ERI2: variants seen among roughly 807,000 people sequenced by gnomAD.
ERI2 encodes the protein ERI1 exoribonuclease family member 2.
ERI2 carries 35 observed loss-of-function variants against 46.8 expected under a neutral mutation model. The observed-to-expected ratio is 0.75, with a 90% confidence interval of 0.57 to 0.99. The LOEUF is 0.99. Ranked by LOEUF, ERI2 falls within the 50% of genes least tolerant of loss-of-function variation. The probability of loss-of-function intolerance (pLI) is 0.00; values close to 1 mark genes in which losing one functional copy is unlikely to be tolerated. For missense variants in ERI2, 695 were observed against 796.2 expected (o/e 0.87, Z 1.53); for synonymous variants, 224 against 271.0 (o/e 0.83, Z 1.70).
At chr16:20,786,198 A>G in intron 10 of ERI2, 1 of 1,604,842 alleles carries the variant, frequency 6.2e-7, no homozygotes, top group African/African-American at 1.3e-5. Context: ...TAACAACCCA[A>G]TCTGTACACT....
chr16:20,789,889 G>T (rs2080558807), intron 9 of ERI2, among the ~76,000 whole-genome samples: 1 of 151,600 alleles, frequency 6.6e-6, no homozygotes, highest in South Asian at 2.1e-4. Context: ...GCTCAGGCTG[G>T]TCTTGAACTC....
downstream of ERI2, among the ~76,000 whole-genome samples, chr16:20,794,163 G>C (rs1365400674): frequency 6.6e-6 from 1 of 152,210 alleles, no homozygotes; most frequent in African/African-American, 2.4e-5. Context: ...TTCTACCTGG[G>C]TTAGGTCCTT....
intron 7 of ERI2, chr16:20,799,629 C>G: frequency 2.1e-6 from 1 of 476,750 alleles, no homozygotes; most frequent in Non-Finnish European, 3.7e-6. Context: ...TCTGCAGGAA[C>G]CAGGATTTGT....
intron 1 of ERI2, among the ~76,000 whole-genome samples, chr16:20,804,346 T>G (rs1302331206): frequency 6.6e-6 from 1 of 152,134 alleles, no homozygotes; most frequent in Non-Finnish European, 1.5e-5. Context: ...GGTTCAGTCT[T>G]CCAGTTTAAA....
downstream of ERI2, chr16:20,792,824 CT>C (rs2080631793): frequency 1.8e-6 from 1 of 547,396 alleles, no homozygotes; most frequent in African/African-American, 2.1e-5. Context: ...AGGAAATAAA[CT>C]CTGAATAACA....
At chr16:20,792,528 GACAA>G (rs2080626390), downstream of ERI2, 1 of 985,046 alleles carries the variant, frequency 1.0e-6, no homozygotes. Flanking sequence ...GATCCTAACA[GACAA>G]ACAAAATAAG....
chr16:20,788,007 G>A (rs987982320), intron 10 of ERI2, among the ~76,000 whole-genome samples: 7 of 152,134 alleles, frequency 4.6e-5, no homozygotes, highest in African/African-American at 1.7e-4. Flanking sequence ...GAGACAATAT[G>A]TTTAAAGAGC....
chr16:20,790,912 C>T lies in ERI2; in HGVS notation c.753G>A (p.Ser251=), dbSNP rs547325608. ...AGGCCAGATCACTGTTCCAGGTCCACGAAGGCAAGAGGAAGGGACCCTAGA... is the reference window on the plus strand; with the variant it reads ...AGGCCAGATCACTGTTCCAGGTCCATGAAGGCAAGAGGAAGGGACCCTAGA... Residue 251 remains serine, a synonymous_variant, in exon 9 of 11, where the codon TCG becomes TCA. Transcript: ENST00000300005. The surrounding 1 kb of genome is among the most constrained non-coding windows in gnomAD (Gnocchi z 4.0). The T allele has an allele frequency of 6.2e-6, 10 of 1,613,916 alleles. No individual in the cohort carries two copies. Among genetic ancestry groups the T allele is most frequent in the East Asian group, 2.2e-5 (1 of 44,876 alleles).
intron 10 of ERI2, chr16:20,781,739 G>A (rs1436023318): frequency 5.6e-6 from 9 of 1,613,544 alleles, no homozygotes; most frequent in Non-Finnish European, 7.6e-6. Context: ...ACAGTCTTCT[G>A]TTCAGCACCA....
intron 10 of ERI2, chr16:20,786,386 C>T (rs752991220): frequency 1.8e-4 from 157 of 885,494 alleles, no homozygotes; most frequent in Non-Finnish European, 2.1e-4. Flanking sequence ...ATTTAATAAA[C>T]GTTAACCCAT....
chr16:20,801,021 T>C (rs1354351215), intron 5 of ERI2, 182 bp downstream of exon 5: 1 of 454,524 alleles, frequency 2.2e-6, no homozygotes, highest in Non-Finnish European at 3.7e-6. Context: ...AAAAGGTTAA[T>C]TTAAAAAATA....
At chr16:20,800,595 C>T (rs2080785436) in intron 5 of ERI2, 193 bp from the exon 6 acceptor site, 4 of 385,800 alleles carry the variant, frequency 1.0e-5, no homozygotes, top group Middle Eastern at 9.4e-4. Flanking sequence ...GACTAAATTT[C>T]AAAATGATTT....
rs1397775249 is a variant in ERI2, at chr16:20,798,298, A to T, written c.1502T>A (p.Leu501Ter). ...DPGSDISAFKLPEHKSSTFNR... is the reference protein window; with the variant it reads ...DPGSDISAFK ...GAAGGTACTTGATTTGTGTTCAGGT[A>T]ACTTAAAGGCAGAAATATCTGAACC... The change falls in exon 9 of 9, where the codon TTA becomes TAA. Residue 501 changes from leucine (L) to a stop codon, truncating the protein, a stop_gained. Coordinates refer to ENST00000357967, the MANE Select transcript of ERI2 (RefSeq NM_001142725.2). LOFTEE classifies it high-confidence loss of function. 6.4e-6 allele frequency: 10 copies of T among 1,551,426 alleles called. No homozygotes were observed. The highest frequency in any genetic ancestry group is 8.7e-6 in the Non-Finnish European group (10 of 1,146,906).
At chr16:20,785,036 C>T (rs772616069) in intron 10 of ERI2, 1 of 1,613,644 alleles carries the variant, frequency 6.2e-7, no homozygotes, top group Admixed American at 1.7e-5. Context: ...ACCAATTACC[C>T]CTGACGTGAC....
At chr16:20,806,142 CACTG>C (rs2080867102) in intron 1 of ERI2, 2 of 1,356,460 alleles carry the variant, frequency 1.5e-6, no homozygotes, top group Non-Finnish European at 1.9e-6. Context: ...AATAGGCAGG[CACTG>C]GCTCAAGGCC....
At chr16:20,799,129 A>T (rs2080768470) in intron 8 of ERI2, 62 bp from the exon 9 acceptor site, 2 of 1,483,040 alleles carry the variant, frequency 1.3e-6, no homozygotes, top group African/African-American at 2.8e-5. Context: ...TTTCTTCAGT[A>T]TACAGTTTTA....
Position 20,803,596 on chromosome 16 carries a change from T to G in ERI2, c.91+7A>C, listed in dbSNP as rs1567372713. The stretch of plus-strand genomic sequence containing the variant: ...CAAAATGCAAAGAAACTAAGCATAC[T>G]ACTCACTGGATTTGCTTCTTCCGAG... On this transcript the variant is annotated splice_region_variant and intron_variant, in intron 2 of 8. Coordinates refer to ENST00000357967, the MANE Select transcript of ERI2 (RefSeq NM_001142725.2). 1 of 1,614,178 alleles carries G rather than the reference T, an allele frequency of 6.2e-7. No individual in the cohort carries two copies. Among genetic ancestry groups the G allele is most frequent in the South Asian group, 1.1e-5 (1 of 91,070 alleles).
chr16:20,780,730 C>T lies in ERI2; in HGVS notation c.899G>A (p.Trp300Ter). 6.2e-7 allele frequency: 1 copy of T among 1,614,192 alleles called. No homozygotes were observed. The highest frequency in any genetic ancestry group is 8.5e-7 in the Non-Finnish European group (1 of 1,180,022). ...CCTTTGCAGACATGCCAGTGACAGCCACACCTGTGTGAAGACAAAACACAA... is the reference window on the plus strand; with the variant it reads ...CCTTTGCAGACATGCCAGTGACAGCTACACCTGTGTGAAGACAAAACACAA... Residue 300 changes from tryptophan to a stop codon, truncating the protein, a stop_gained, in exon 11 of 11, where the codon TGG becomes TAG. Transcript: ENST00000300005. LOFTEE classifies it low-confidence loss of function (END_TRUNC).
At chr16:20,806,211 G>A in intron 1 of ERI2, 197 bp downstream of exon 1, 1 of 1,400,802 alleles carries the variant, frequency 7.1e-7, no homozygotes, top group Admixed American at 3.2e-5. Context: ...CCCTCGGGTA[G>A]AAGGTGGCCC....
Sources: allele counts gnomAD v4.1 joint callset (sites outside exome capture counted in the v4.1 genomes callset), GRCh38; gene constraint gnomAD v4.1.1; non-coding constraint Gnocchi (gnomAD v3.1); transcripts MANE v1.5; gene names NCBI Gene and HGNC (gene_info 2026-07-23, HGNC 2026-07-21).